PDE4B: variants seen among roughly 807,000 people sequenced by gnomAD.
PDE4B encodes the protein phosphodiesterase 4B.
A neutral mutation model predicts 82.2 loss-of-function variants in PDE4B; 20 were observed. The ratio of observed to expected loss-of-function variants is 0.24; its 90% CI spans 0.17 to 0.35. PDE4B has a LOEUF of 0.35. Among genes scored for constraint, PDE4B ranks in the 10% least tolerant of loss-of-function variants. PDE4B has a pLI of 1.00. For synonymous variants in PDE4B, 320 were observed against 318.9 expected (o/e 1.00, Z -0.04); for missense variants, 655 against 907.2 (o/e 0.72, Z 3.57).
chr1:65,806,396 T>C (rs568443722), intron 1 of PDE4B, among the ~76,000 whole-genome samples: 1 of 152,328 alleles, frequency 6.6e-6, no homozygotes, highest in East Asian at 1.9e-4. Context: ...ACACAATTAA[T>C]TTTATTTTTA....
intron 7 of PDE4B, chr1:66,266,906 A>T (rs1351538581): frequency 6.5e-6 from 2 of 310,008 alleles, no homozygotes; most frequent in Non-Finnish European, 1.3e-5. Flanking sequence ...TCACACTGAG[A>T]TCACCTAATG....
chr1:66,336,767 A>G (rs556204793), intron 8 of PDE4B, among the ~76,000 whole-genome samples: 1 of 152,294 alleles, frequency 6.6e-6, no homozygotes, highest in South Asian at 2.1e-4. Flanking sequence ...GCTACAGATA[A>G]CCATCATGAG....
intron 3 of PDE4B, among the ~76,000 whole-genome samples, chr1:66,161,283 C>CAT (rs148122249): frequency 0.021 from 3,198 of 152,030 alleles, 130 homozygotes; most frequent in Admixed American, 0.099. Context: ...CCTGAACACA[C>CAT]ACACACACAC....
At chr1:66,069,265 T>A (rs979769869) in intron 3 of PDE4B, among the ~76,000 whole-genome samples, 1 of 152,008 alleles carries the variant, frequency 6.6e-6, no homozygotes, top group Non-Finnish European at 1.5e-5. Flanking sequence ...GGAAAGCATG[T>A]CTTTCTCTGA....
chr1:65,793,497 A>C (rs1645597270), intron 1 of PDE4B, among the ~76,000 whole-genome samples: 1 of 152,120 alleles, frequency 6.6e-6, no homozygotes, highest in Non-Finnish European at 1.5e-5. Flanking sequence ...CCTCTTGACA[A>C]GTCACTGGGG....
intron 1 of PDE4B, among the ~76,000 whole-genome samples, chr1:65,849,755 C>T (rs1646309074): frequency 6.6e-6 from 1 of 152,168 alleles, no homozygotes; most frequent in South Asian, 2.1e-4. Context: ...GAGCCTGATG[C>T]AAGAAACATA....
chr1:66,037,471 T>C (rs1021567284), intron 3 of PDE4B, among the ~76,000 whole-genome samples: 22 of 152,336 alleles, frequency 1.4e-4, no homozygotes, highest in African/African-American at 5.3e-4. Context: ...TTATGTATCC[T>C]GTAACTTTAC....
At chr1:66,322,742 G>C (rs1659498439) in intron 7 of PDE4B, among the ~76,000 whole-genome samples, 1 of 151,732 alleles carries the variant, frequency 6.6e-6, no homozygotes, top group Non-Finnish European at 1.5e-5. Context: ...AGGAATTTTG[G>C]GGGGACACAT....
chr1:65,993,595 A>G (rs1651368895), intron 3 of PDE4B, among the ~76,000 whole-genome samples: 1 of 152,136 alleles, frequency 6.6e-6, no homozygotes, highest in Non-Finnish European at 1.5e-5. Flanking sequence ...AACTTAATGT[A>G]TTGTACCATC....
chr1:66,248,228 C>T lies in PDE4B; in HGVS notation c.476+574C>T, dbSNP rs562301820. On this transcript the variant is annotated intron_variant, in intron 4 of 16. Transcript: ENST00000341517. ...AGCACTGCTGATATTTTTGTTTTGC[C>T]GCTATTAATTGTAAATCTCTAAATT... Among the ~76,000 whole-genome samples, 36 of 152,228 alleles carry T rather than the reference C, an allele frequency of 2.4e-4. No individual in the cohort carries two copies. The South Asian group carries it at 6.4e-3, about 27-fold the overall frequency.
intron 3 of PDE4B, among the ~76,000 whole-genome samples, chr1:66,115,204 C>G (rs1192855065): frequency 1.3e-5 from 2 of 152,118 alleles, no homozygotes; most frequent in African/African-American, 2.4e-5. Flanking sequence ...AAACTACTGA[C>G]CTACATTAAT....
At chr1:66,319,705 C>T (rs1659267821) in intron 7 of PDE4B, among the ~76,000 whole-genome samples, 1 of 152,000 alleles carries the variant, frequency 6.6e-6, no homozygotes, top group Admixed American at 6.6e-5. Flanking sequence ...TCAGGCTTTT[C>T]CTCTATAAAA....
At chr1:65,832,604 T>A (rs893269770) in intron 1 of PDE4B, among the ~76,000 whole-genome samples, 1 of 152,190 alleles carries the variant, frequency 6.6e-6, no homozygotes, top group Non-Finnish European at 1.5e-5. Flanking sequence ...GTAATTCAGA[T>A]ACCAATTCAA....
Position 65,955,249 on chromosome 1 carries a change from CT to C in PDE4B, c.281+36416del, listed in dbSNP as rs368534760. 1.6e-4 allele frequency among the ~76,000 whole-genome samples: 24 copies of C among 152,176 alleles called. No individual in the cohort carries two copies. In the East Asian group the frequency reaches 4.3e-3, roughly 27 times the overall value. ...TTAGTTTCAGCACAGTCCCGTAAAC[CT>C]TCAGGCACTGACACATAAAGACCTT... is the stretch of plus-strand genomic sequence containing the variant. On this transcript the variant is annotated intron_variant, in intron 3 of 16. Coordinates refer to ENST00000341517, the MANE Select transcript of PDE4B (RefSeq NM_002600.4).
intron 3 of PDE4B, among the ~76,000 whole-genome samples, chr1:65,927,064 A>C (rs1435424760): frequency 6.6e-6 from 1 of 152,072 alleles, no homozygotes; most frequent in Non-Finnish European, 1.5e-5. Flanking sequence ...TCAGAGAAAC[A>C]AAACTGAGGA....
At chr1:66,357,947 C>T (rs1662390289) in intron 9 of PDE4B, among the ~76,000 whole-genome samples, 1 of 152,120 alleles carries the variant, frequency 6.6e-6, no homozygotes, top group South Asian at 2.1e-4. Flanking sequence ...TGTAATCTGA[C>T]AATCTCAAAA....
At chr1:66,126,107 A>G (rs977115251) in intron 3 of PDE4B, among the ~76,000 whole-genome samples, 34 of 152,320 alleles carry the variant, frequency 2.2e-4, no homozygotes, top group African/African-American at 7.9e-4. Context: ...CGCCCACCCA[A>G]CATTGTATTG....
chr1:65,885,855 TATAATAATA>T lies in PDE4B; in HGVS notation c.-70-27356_-70-27348del, dbSNP rs34224891. Among the ~76,000 whole-genome samples the T allele has an allele frequency of 7.1e-3, 1,004 of 141,356 alleles. 6 individuals carry two copies. Among genetic ancestry groups the T allele is most frequent in the African/African-American group, 0.022 (819 of 37,756 alleles). The allele number at this position is 141,356 out of a possible 152,430, so 92.7% of individuals were successfully genotyped here. A position where few individuals can be genotyped will look rare whatever the true frequency, so the allele number is the denominator to read the frequency against. ...TGCACATGTACCCTAAAACTTAACG[TATAATAATA>T]ATAATAATAATAATAATAATAATAA... On this transcript the variant is annotated intron_variant, in intron 1 of 16. Transcript: ENST00000341517.
intron 3 of PDE4B, among the ~76,000 whole-genome samples, chr1:65,990,983 T>G (rs1326246816): frequency 6.6e-6 from 1 of 152,214 alleles, no homozygotes; most frequent in Non-Finnish European, 1.5e-5. Context: ...AGGGCTGGTA[T>G]GGGTCTTACT....
Sources: gnomAD v4.1 joint callset for allele counts (sites outside exome capture counted in the v4.1 genomes callset) on GRCh38, gnomAD v4.1.1 for gene constraint, MANE v1.5 for transcripts, NCBI Gene and HGNC (gene_info 2026-07-23, HGNC 2026-07-21) for gene names.